The following GPC3 variants were observed in gnomAD, a reference collection of about 807,000 sequenced individuals.
GPC3 encodes the protein glypican 3.
In GPC3, 3 loss-of-function variants were observed where a neutral mutation model predicts 34.4. The ratio of observed to expected loss-of-function variants is 0.09; its 90% CI spans 0.04 to 0.23. GPC3 has a LOEUF of 0.23. Among genes scored for constraint, GPC3 ranks in the 10% least tolerant of loss-of-function variants. The pLI, the probability that GPC3 is intolerant of heterozygous loss-of-function variation, is 1.00. For missense variants in GPC3, 351 were observed against 445.6 expected (o/e 0.79, Z 1.91); for synonymous variants, 177 against 174.0 (o/e 1.02, Z -0.13).
chrX:133,969,991 T>C (rs994535114), intron 1 of GPC3, among the ~76,000 whole-genome samples: 3 of 112,620 alleles, frequency 2.7e-5, no homozygotes, highest in Non-Finnish European at 5.6e-5. Flanking sequence ...ACTATTACTA[T>C]TTGTTTGAAC....
Position 133,949,396 on chromosome X carries a change from C to T in GPC3, c.337+3654G>A, listed in dbSNP as rs778162831. ...GCCACATTTAGTGAGTTCTTGGATC[C>T]CCCCCTAGAAAGCCAGAAAATCAAG... is the stretch of plus-strand genomic sequence containing the variant. On this transcript the variant is annotated intron_variant, in intron 2 of 7. Transcript: ENST00000370818. Among the ~76,000 whole-genome samples the T allele has an allele frequency of 5.4e-5, 6 of 110,948 alleles. No homozygotes were observed. The South Asian group carries it at 1.5e-3, about 29-fold the overall frequency.
At chrX:133,576,415 T>A (rs1358783379) in intron 7 of GPC3, among the ~76,000 whole-genome samples, 1 of 110,839 alleles carries the variant, frequency 9.0e-6, no homozygotes, top group African/African-American at 3.3e-5. Context: ...AATTTTTGTA[T>A]TTTTAGCAGA....
chrX:133,803,215 G>A lies in GPC3; in HGVS notation c.338-49039C>T, dbSNP rs538718336. Among the ~76,000 whole-genome samples the A allele has an allele frequency of 1.8e-4, 20 of 112,465 alleles. No homozygotes were observed. The South Asian group carries it at 7.0e-3, about 39-fold the overall frequency. ...GCTGGGATTACAGGCGTGAGCCAGT[G>A]CGCCCGGTAACAGTGGAAGATATTC... On this transcript the variant is annotated intron_variant, in intron 2 of 7. Coordinates refer to ENST00000370818, the MANE Select transcript of GPC3 (RefSeq NM_004484.4).
chrX:133,796,461 G>A (rs2075582697), intron 2 of GPC3, among the ~76,000 whole-genome samples: 1 of 112,206 alleles, frequency 8.9e-6, no homozygotes, highest in African/African-American at 3.2e-5. Context: ...ACTGGGAGAA[G>A]ACAAATGGCT....
chrX:133,660,289 T>G (rs1193219066), intron 6 of GPC3, among the ~76,000 whole-genome samples: 3 of 112,543 alleles, frequency 2.7e-5, no homozygotes, highest in Non-Finnish European at 5.6e-5. Context: ...TTAAAACCTC[T>G]GTTCTTGCAT....
At chrX:133,871,236 T>C (rs1411367119) in intron 2 of GPC3, among the ~76,000 whole-genome samples, 1 of 111,752 alleles carries the variant, frequency 8.9e-6, no homozygotes, top group Non-Finnish European at 1.9e-5. Flanking sequence ...CCAACTTCCT[T>C]ATTTCTACTC....
In GPC3 at chrX:133,535,857, TAGG is replaced by T. The variant is rs1185078163; in HGVS notation, c.*264_*266del. The T allele has an allele frequency of 2.0e-4, 72 of 353,157 alleles. No individual in the cohort carries two copies. The highest frequency in any genetic ancestry group is 6.8e-5 in the Non-Finnish European group (14 of 204,392). The allele number at this position is 353,157 out of a possible 1,213,427, so 29.1% of individuals were successfully genotyped here. A position where few individuals can be genotyped will look rare whatever the true frequency, so the allele number is the denominator to read the frequency against. On this transcript the variant is annotated 3_prime_UTR_variant, in exon 8 of 8. Transcript: ENST00000370818. ...GTAACCATGTTCTAGCAGCCAAACA[TAGG>T]AGAATAATTTGGCACAACTTGATGG...
intron 2 of GPC3, among the ~76,000 whole-genome samples, chrX:133,767,217 G>T (rs2071857033): frequency 9.0e-6 from 1 of 111,521 alleles, no homozygotes; most frequent in South Asian, 3.8e-4. Context: ...AAATATTTCA[G>T]GAAAATAACT....
At chrX:133,871,627 A>T (rs999732774) in intron 2 of GPC3, among the ~76,000 whole-genome samples, 1 of 112,471 alleles carries the variant, frequency 8.9e-6, no homozygotes, top group African/African-American at 3.2e-5. Flanking sequence ...GCCATTATTT[A>T]AAAATACCAG....
At chrX:133,579,227 C>T (rs2069712508) in intron 7 of GPC3, among the ~76,000 whole-genome samples, 1 of 112,508 alleles carries the variant, frequency 8.9e-6, no homozygotes, top group South Asian at 3.7e-4. Context: ...TCCACAACTC[C>T]CTGTACATAC....
chrX:133,624,289 G>A (rs2070270747), intron 6 of GPC3, among the ~76,000 whole-genome samples: 1 of 111,266 alleles, frequency 9.0e-6, no homozygotes, highest in Non-Finnish European at 1.9e-5. Context: ...GCTAGCAGAA[G>A]GCAAGAAATA....
chrX:133,868,878 C>G (rs1006903384), intron 2 of GPC3, among the ~76,000 whole-genome samples: 5 of 111,793 alleles, frequency 4.5e-5, no homozygotes, highest in Non-Finnish European at 7.5e-5. Context: ...CCCCTCCTCC[C>G]CATCTGTATC....
chrX:133,950,629 G>A (rs1393953044), intron 2 of GPC3, among the ~76,000 whole-genome samples: 9 of 111,904 alleles, frequency 8.0e-5, no homozygotes, highest in Non-Finnish European at 1.7e-4. Context: ...TATTTTAGGG[G>A]AAAAACAATT....
At chrX:133,596,233 T>C (rs1239630121) in intron 7 of GPC3, 1 of 439,010 alleles carries the variant, frequency 2.3e-6, no homozygotes, top group East Asian at 3.8e-5. Context: ...CCTTTTAATC[T>C]ACCAAAGGTT....
At chrX:133,549,446 G>A (rs1195401645) in intron 7 of GPC3, among the ~76,000 whole-genome samples, 3 of 111,233 alleles carry the variant, frequency 2.7e-5, no homozygotes, top group Non-Finnish European at 3.8e-5. Context: ...GCATTCATGA[G>A]CCTCCCCAGC....
At chrX:133,826,923 A>G (rs2075750132) in intron 2 of GPC3, among the ~76,000 whole-genome samples, 1 of 112,093 alleles carries the variant, frequency 8.9e-6, no homozygotes, top group African/African-American at 3.2e-5. Flanking sequence ...TCAAACAAAG[A>G]GTCTATATCT....
At chrX:133,772,618 C>T (rs886117371) in intron 2 of GPC3, among the ~76,000 whole-genome samples, 6 of 111,660 alleles carry the variant, frequency 5.4e-5, no homozygotes, top group Non-Finnish European at 1.1e-4. Context: ...TATTGACAAT[C>T]TGGGTTGAGT....
At chrX:133,567,925 T>C (rs781090644) in intron 7 of GPC3, among the ~76,000 whole-genome samples, 1 of 112,138 alleles carries the variant, frequency 8.9e-6, no homozygotes, top group African/African-American at 3.2e-5. Context: ...AAAGACACTT[T>C]GAAAAAAGAG....
intron 2 of GPC3, among the ~76,000 whole-genome samples, chrX:133,893,453 T>C (rs1259822317): frequency 8.9e-6 from 1 of 112,105 alleles, no homozygotes; most frequent in East Asian, 2.8e-4. Context: ...TTTTATTTAT[T>C]CTTTATTATC....
Sources: gnomAD v4.1 joint callset for allele counts (sites outside exome capture counted in the v4.1 genomes callset) on GRCh38, gnomAD v4.1.1 for gene constraint, MANE v1.5 for transcripts, NCBI Gene and HGNC (gene_info 2026-07-23, HGNC 2026-07-21) for gene names.